The following MAD1L1 variants were observed in gnomAD, a reference collection of about 807,000 sequenced individuals.
MAD1L1 encodes mitotic spindle assembly checkpoint protein MAD1.
A neutral mutation model predicts 96.9 loss-of-function variants in MAD1L1; 95 were observed. The observed-to-expected ratio is 0.98, with a 90% CI of 0.83 to 1.16. The LOEUF is 1.16. Among genes scored for constraint, MAD1L1 ranks in the 50% most tolerant of loss-of-function variants. The pLI, the probability that MAD1L1 is intolerant of heterozygous loss-of-function variation, is 0.00. For missense variants in MAD1L1, 1,007 were observed against 954.4 expected, an observed-to-expected ratio of 1.06 and a Z score of -0.73; for synonymous variants, 473 against 396.6, an observed-to-expected ratio of 1.19 and a Z score of -2.29.
At chr7:1,868,044 C>T (rs914303754) in intron 18 of MAD1L1, among the ~76,000 whole-genome samples, 13 of 152,132 alleles carry the variant, frequency 8.5e-5, no homozygotes, top group Non-Finnish European at 1.5e-4. Flanking sequence ...CAGACGCCAG[C>T]AGTAATTCCC....
At chr7:2,189,899 C>T (rs1240284973) in intron 10 of MAD1L1, among the ~76,000 whole-genome samples, 9 of 152,202 alleles carry the variant, frequency 5.9e-5, no homozygotes, top group Non-Finnish European at 1.0e-4. Flanking sequence ...CCTCATGCTT[C>T]AGGAAAATCT....
intron 18 of MAD1L1, chr7:1,849,047 TACACACACACAC>T (rs57306853): frequency 2.0e-4 from 29 of 148,460 alleles, no homozygotes; most frequent in Middle Eastern, 6.1e-4. Flanking sequence ...GGTGTACATG[TACACACACACAC>T]ACACACACAC....
intron 15 of MAD1L1, among the ~76,000 whole-genome samples, chr7:1,976,915 T>C (rs1174361930): frequency 6.6e-6 from 1 of 152,190 alleles, no homozygotes; most frequent in Admixed American, 6.5e-5. Context: ...CCAGATTACC[T>C]AGACACAGAG....
At chr7:2,204,324 G>A (rs778986936) in intron 10 of MAD1L1, among the ~76,000 whole-genome samples, 2 of 152,222 alleles carry the variant, frequency 1.3e-5, no homozygotes, top group African/African-American at 2.4e-5. Context: ...GCTGTTGACA[G>A]GCCAGCTTGA....
intron 11 of MAD1L1, among the ~76,000 whole-genome samples, chr7:2,096,786 G>A (rs3823628): frequency 2.0e-5 from 3 of 151,954 alleles, no homozygotes; most frequent in East Asian, 1.9e-4. Context: ...GCTGCCCCAC[G>A]ACCACCACCA....
At chr7:2,032,653 C>T (rs1359101734) in intron 12 of MAD1L1, among the ~76,000 whole-genome samples, 1 of 152,190 alleles carries the variant, frequency 6.6e-6, no homozygotes, top group African/African-American at 2.4e-5. Flanking sequence ...GATGACTCGC[C>T]CATGGGAAGT....
At position 2,043,391 on chromosome 7, in the gene MAD1L1, G is replaced by T. The variant is rs185658851; in HGVS notation, c.1218+25803C>A. On this transcript the variant is annotated intron_variant, in intron 12 of 18. Coordinates refer to ENST00000265854, the MANE Select transcript of MAD1L1 (RefSeq NM_001013836.2). ...CATGTAAATAGCTGGCAGACACAAG[G>T]ACGTGAAAGCAAGGAAGAGCTCTTT... Among the ~76,000 whole-genome samples, 723 of 152,322 alleles carry T rather than the reference G, an allele frequency of 4.7e-3. 4 individuals are homozygous for T. Among genetic ancestry groups the T allele is most frequent in the Admixed American group, 6.5e-3 (100 of 15,308 alleles).
chr7:1,858,405 T>C (rs113074864), intron 18 of MAD1L1, among the ~76,000 whole-genome samples: 2,901 of 152,344 alleles, frequency 0.019, 33 homozygotes, highest in Non-Finnish European at 0.032. Context: ...GGCTTGGAGA[T>C]CTCTGAAATC....
chr7:1,847,223 C>T (rs574740613), intron 18 of MAD1L1: 3 of 469,938 alleles, frequency 6.4e-6, no homozygotes, highest in South Asian at 4.7e-5. Context: ...TCTTTTCCAA[C>T]TGACGCTTGT....
At chr7:2,215,399 C>A (rs1262975176) in intron 9 of MAD1L1, among the ~76,000 whole-genome samples, 3 of 149,680 alleles carry the variant, frequency 2.0e-5, no homozygotes, top group Non-Finnish European at 3.0e-5. Context: ...AAAAAAAGCC[C>A]ACAAATGTAA....
intron 10 of MAD1L1, among the ~76,000 whole-genome samples, chr7:2,181,933 A>G (rs1791220572): frequency 6.6e-6 from 1 of 152,166 alleles, no homozygotes; most frequent in South Asian, 2.1e-4. Flanking sequence ...TCAGGAATGG[A>G]AAAACCAGAC....
intron 17 of MAD1L1, among the ~76,000 whole-genome samples, chr7:1,934,659 A>C (rs968430395): frequency 6.7e-6 from 1 of 149,916 alleles, no homozygotes; most frequent in Non-Finnish European, 1.5e-5. Context: ...CACCCAGACA[A>C]CAGGGGAACG....
chr7:2,079,091 G>A (rs746586417), intron 11 of MAD1L1, among the ~76,000 whole-genome samples: 4 of 152,238 alleles, frequency 2.6e-5, no homozygotes, highest in Non-Finnish European at 2.9e-5. Flanking sequence ...CTGAAGACTC[G>A]GGTTCAAGTC....
chr7:2,043,856 A>G (rs1783802714), intron 12 of MAD1L1, among the ~76,000 whole-genome samples: 1 of 152,228 alleles, frequency 6.6e-6, no homozygotes. Context: ...GCTACTGAAC[A>G]GGGCCAGGGA....
At position 2,088,546 on chromosome 7, in the gene MAD1L1, A is replaced by C. The variant is rs1024795587; in HGVS notation, c.1074-19208T>G. ...TCTGGAGCTGCCACTGCACGTGCAC[A>C]TCCATCTCCCTGGGAGGCCGGGGAG... is the stretch of plus-strand genomic sequence containing the variant. On this transcript the variant is annotated intron_variant, in intron 11 of 18. Transcript: ENST00000265854. The surrounding 1 kb of genome is among the most constrained non-coding windows in gnomAD (Gnocchi z 4.4). Among the ~76,000 whole-genome samples, 2 of 152,188 alleles carry C rather than the reference A, an allele frequency of 1.3e-5. No homozygotes were observed. Among genetic ancestry groups the C allele is most frequent in the African/African-American group, 4.8e-5 (2 of 41,448 alleles).
chr7:2,068,122 T>C (rs976230938), intron 12 of MAD1L1, among the ~76,000 whole-genome samples: 13 of 152,194 alleles, frequency 8.5e-5, no homozygotes, highest in African/African-American at 2.9e-4. Context: ...TGAAAAGCCA[T>C]GTGAGAACAT....
At chr7:1,880,665 T>C (rs1785632198) in intron 18 of MAD1L1, among the ~76,000 whole-genome samples, 1 of 152,182 alleles carries the variant, frequency 6.6e-6, no homozygotes, top group Admixed American at 6.5e-5. Context: ...ACATACAATC[T>C]TCACTGCCAT....
chr7:2,039,047 C>T (rs965694397), intron 12 of MAD1L1, among the ~76,000 whole-genome samples: 1 of 152,184 alleles, frequency 6.6e-6, no homozygotes, highest in Non-Finnish European at 1.5e-5. Context: ...TGTGCGTCTC[C>T]GTAACTCACG....
At chr7:1,953,164 A>G (rs147296048) in intron 16 of MAD1L1, among the ~76,000 whole-genome samples, 2,597 of 152,282 alleles carry the variant, frequency 0.017, 27 homozygotes, top group Non-Finnish European at 0.026. Context: ...TCCCAGGGAC[A>G]CGGACCAGGG....
Sources: gnomAD v4.1 joint callset for allele counts (sites outside exome capture counted in the v4.1 genomes callset) on GRCh38, gnomAD v4.1.1 for gene constraint, Gnocchi (gnomAD v3.1) non-coding constraint, MANE v1.5 for transcripts, NCBI Gene and HGNC (gene_info 2026-07-23, HGNC 2026-07-21) for gene names.